The following SRSF4 variants were observed in gnomAD, a reference collection of about 807,000 sequenced individuals.
SRSF4 encodes the protein serine/arginine-rich splicing factor 4.
SRSF4 carries 12 observed loss-of-function variants against 48.8 expected under a neutral mutation model. The observed-to-expected ratio is 0.25, with a 90% CI of 0.16 to 0.40. SRSF4 has a LOEUF of 0.40. SRSF4 is among the 10% of genes least tolerant of loss of function. The pLI, the probability that SRSF4 is intolerant of heterozygous loss-of-function variation, is 1.00. For missense variants in SRSF4, 466 were observed against 667.1 expected, an observed-to-expected ratio of 0.70 and a Z score of 3.32; for synonymous variants, 248 against 232.5, an observed-to-expected ratio of 1.07 and a Z score of -0.61.
intron 1 of SRSF4, among the ~76,000 whole-genome samples, chr1:29,161,005 C>T (rs575462470): frequency 2.6e-5 from 4 of 152,228 alleles, no homozygotes; most frequent in African/African-American, 7.2e-5. Context: ...TGTTCCTCTA[C>T]GTAAACACAT....
chr1:29,157,318 C>G (rs367726156), intron 3 of SRSF4, among the ~76,000 whole-genome samples: 198 of 152,096 alleles, frequency 1.3e-3, no homozygotes, highest in Non-Finnish European at 2.5e-3. Context: ...TAACTAAGCT[C>G]TGTTCTAACA....
intron 1 of SRSF4, among the ~76,000 whole-genome samples, chr1:29,176,166 T>G (rs772437642): frequency 6.6e-6 from 1 of 151,982 alleles, no homozygotes; most frequent in African/African-American, 2.4e-5. Flanking sequence ...GCAGGAGAAT[T>G]GCTTGAACCC....
chr1:29,181,039 T>C (rs550704936), intron 1 of SRSF4, among the ~76,000 whole-genome samples: 1 of 152,204 alleles, frequency 6.6e-6, no homozygotes, highest in South Asian at 2.1e-4. Flanking sequence ...TAATTTACTC[T>C]TGCAGAGGGA....
At chr1:29,175,611 C>T (rs983996930) in intron 1 of SRSF4, among the ~76,000 whole-genome samples, 6 of 130,408 alleles carry the variant, frequency 4.6e-5, no homozygotes, top group African/African-American at 1.7e-4. Context: ...AGGAGAATGG[C>T]GTGAACCCAG....
At chr1:29,149,509 G>A (rs529089330) in intron 5 of SRSF4, among the ~76,000 whole-genome samples, 127 of 151,932 alleles carry the variant, frequency 8.4e-4, no homozygotes, top group African/African-American at 2.9e-3. Context: ...GTGAAGCCCC[G>A]TCTCTACTAA....
Position 29,148,241 on chromosome 1 carries a change from G to GCCA in SRSF4, c.*166_*168dup. 1 of 986,802 alleles carries GCCA rather than the reference G, an allele frequency of 1.0e-6. No homozygotes were observed. The highest frequency in any genetic ancestry group is 1.6e-6 in the Non-Finnish European group (1 of 642,520). 61.1% of individuals were successfully genotyped at this position (986,802 alleles called of 1,614,324 possible). A position where few individuals can be genotyped will look rare whatever the true frequency, so the allele number is the denominator to read the frequency against. On this transcript the variant is annotated 3_prime_UTR_variant, in exon 6 of 6. Transcript: ENST00000373795. ...TTTCAGTCGAGCAGGAAGGCCTGGTGCCAGGAGGCTTTACTGAGAGGAAGC... is the reference window on the plus strand; with the variant it reads ...TTTCAGTCGAGCAGGAAGGCCTGGTGCCACCAGGAGGCTTTACTGAGAGGAAGC...
chr1:29,173,104 A>G (rs1272823416), intron 1 of SRSF4: 7 of 142,572 alleles, frequency 4.9e-5, no homozygotes, highest in Admixed American at 2.1e-4. Flanking sequence ...ATTAACCTAC[A>G]TTTATTCTCT....
chr1:29,166,825 A>G (rs1230021911), intron 1 of SRSF4: 1 of 152,226 alleles, frequency 6.6e-6, no homozygotes, highest in Non-Finnish European at 1.5e-5. Flanking sequence ...CAGTTCCCGC[A>G]CACCAAGGGC....
intron 4 of SRSF4, among the ~76,000 whole-genome samples, chr1:29,153,450 T>C (rs1054378103): frequency 7.2e-5 from 11 of 151,866 alleles, no homozygotes; most frequent in African/African-American, 2.4e-4. Flanking sequence ...GTCTGGCCAT[T>C]TGTCTTCTTT....
At chr1:29,160,904 T>G (rs954723600) in intron 1 of SRSF4, among the ~76,000 whole-genome samples, 7 of 152,238 alleles carry the variant, frequency 4.6e-5, no homozygotes, top group African/African-American at 1.7e-4. Flanking sequence ...GCTTTAAAAG[T>G]GGTATCTTAG....
At chr1:29,149,946 T>C (rs1672380836) in intron 5 of SRSF4, among the ~76,000 whole-genome samples, 157 bp downstream of exon 5, 1 of 151,806 alleles carries the variant, frequency 6.6e-6, no homozygotes, top group Non-Finnish European at 1.5e-5. Context: ...GAAGCTTGCT[T>C]GAGCCCAGTG....
At chr1:29,178,500 T>C (rs1170339232) in intron 1 of SRSF4, among the ~76,000 whole-genome samples, 1 of 152,048 alleles carries the variant, frequency 6.6e-6, no homozygotes, top group African/African-American at 2.4e-5. Context: ...CCTGCCACCA[T>C]GCCCGGCTAC....
intron 1 of SRSF4, among the ~76,000 whole-genome samples, chr1:29,180,617 G>A (rs1246691184): frequency 1.3e-5 from 2 of 152,062 alleles, no homozygotes; most frequent in Admixed American, 6.6e-5. Flanking sequence ...TCTTTTTTAA[G>A]CCAAGAGTTC....
At position 29,147,788 on chromosome 1, in the gene SRSF4, G is replaced by T. The variant is rs1672327638; in HGVS notation, c.*622C>A. 5.9e-6 allele frequency: 1 copy of T among 169,568 alleles called. No homozygotes were observed. Among genetic ancestry groups the T allele is most frequent in the Admixed American group, 5.8e-5 (1 of 17,270 alleles). 10.5% of individuals were successfully genotyped at this position (169,568 alleles called of 1,614,324 possible). ...CTTTATTCAAATTTAATGGAAACAG[G>T]GGTCACTATACTTTGCAAGACGGGG... is the stretch of plus-strand genomic sequence containing the variant. On this transcript the variant is annotated 3_prime_UTR_variant, in exon 6 of 6. Coordinates refer to ENST00000373795, the MANE Select transcript of SRSF4 (RefSeq NM_005626.5).
chr1:29,151,283 A>G (rs752226012), intron 4 of SRSF4, among the ~76,000 whole-genome samples: 3 of 152,234 alleles, frequency 2.0e-5, no homozygotes, highest in Admixed American at 6.5e-5. Flanking sequence ...GATAAGATAC[A>G]AGTTCAATGA....
chr1:29,162,877 G>T (rs1672619594), intron 1 of SRSF4, among the ~76,000 whole-genome samples: 1 of 152,178 alleles, frequency 6.6e-6, no homozygotes, highest in South Asian at 2.1e-4. Flanking sequence ...AGCTCTGCAG[G>T]TCAACTGAAA....
rs370924082 is a variant in SRSF4, at chr1:29,148,686, C to A, written c.1209G>T (p.Gln403His). ...KKKKEDTDRS[Q>H]SRSPSRSVSK... ...ACACGGAGCGGGATGGAGATCTGGA[C>A]TGGGAGCGGTCAGTGTCTTCCTTCT... The change falls in exon 6 of 6, where the codon CAG (glutamine) becomes CAT (histidine). Residue 403 changes from glutamine to histidine, a missense_variant. Gln to His is a conservative substitution (Grantham distance 24). Around this residue, in one of 2 missense-constraint regions of SRSF4, gnomAD observed 402 missense variants for 437.0 expected, o/e 0.92. Coordinates refer to ENST00000373795, the MANE Select transcript of SRSF4 (RefSeq NM_005626.5). 6.2e-7 allele frequency: 1 copy of A among 1,614,016 alleles called. No homozygotes were observed. Among genetic ancestry groups the A allele is most frequent in the Non-Finnish European group, 8.5e-7 (1 of 1,180,032 alleles).
chr1:29,153,697 C>T (rs1410863689), intron 4 of SRSF4, among the ~76,000 whole-genome samples: 1 of 148,970 alleles, frequency 6.7e-6, no homozygotes, highest in Non-Finnish European at 1.5e-5. Flanking sequence ...CTCCCAGGTT[C>T]AAGCAATTCT....
At position 29,148,714 on chromosome 1, in the gene SRSF4, T is replaced by C. The variant is rs1314324124; in HGVS notation, c.1181A>G (p.Lys394Arg). Residue 394 changes from lysine to arginine, a missense_variant, in exon 6 of 6, where the codon AAG (lysine) becomes AGG (arginine). Coordinates refer to ENST00000373795, the MANE Select transcript of SRSF4 (RefSeq NM_005626.5). ...RDSKAGSSKK[K>R]KKEDTDRSQS... Reference sequence around the variant, plus strand: ...GGAGCGGTCAGTGTCTTCCTTCTTCTTCTTCTTGCTGCTGCCCGCCTTGCT... The same window carrying C: ...GGAGCGGTCAGTGTCTTCCTTCTTCCTCTTCTTGCTGCTGCCCGCCTTGCT... 6.2e-7 allele frequency: 1 copy of C among 1,613,936 alleles called. No homozygotes were observed. The highest frequency in any genetic ancestry group is 2.2e-5 in the East Asian group (1 of 44,868).
Sources: gnomAD v4.1 joint callset for allele counts (sites outside exome capture counted in the v4.1 genomes callset) on GRCh38, gnomAD v4.1.1 for gene constraint, gnomAD v4.1.1 regional missense constraint, MANE v1.5 for transcripts, NCBI Gene and HGNC (gene_info 2026-07-23, HGNC 2026-07-21) for gene names.